TAB1: variants seen among roughly 807,000 people sequenced by gnomAD.
The protein encoded by TAB1 is TGF-beta-activated kinase 1 and MAP3K7-binding protein 1.
TAB1 carries 30 observed loss-of-function variants against 54.5 expected under a neutral mutation model. The observed-to-expected ratio is 0.55, with a 90% confidence interval of 0.41 to 0.75. TAB1 has a LOEUF of 0.75. Ranked by LOEUF, TAB1 falls within the 30% of genes least tolerant of loss-of-function variation. TAB1 has a pLI of 0.00. For synonymous variants in TAB1, 289 were observed against 286.9 expected, an observed-to-expected ratio of 1.01 and a Z score of -0.07; for missense variants, 609 against 683.2, an observed-to-expected ratio of 0.89 and a Z score of 1.21.
At chr22:39,417,540 G>A (rs1384139677) in intron 4 of TAB1, among the ~76,000 whole-genome samples, 171 bp from the exon 5 acceptor site, 1 of 151,940 alleles carries the variant, frequency 6.6e-6, no homozygotes, top group African/African-American at 2.4e-5. Context: ...AGAATGGTGT[G>A]AACCTGGGAG....
At chr22:39,406,516 GC>G (rs1926372969) in intron 1 of TAB1, among the ~76,000 whole-genome samples, 1 of 152,094 alleles carries the variant, frequency 6.6e-6, no homozygotes, top group African/African-American at 2.4e-5. Flanking sequence ...TTTGAGCAGT[GC>G]CTTTAGGGTA....
Position 39,431,052 on chromosome 22 carries a change from C to T in TAB1, c.*830C>T, listed in dbSNP as rs1030394810. 3.2e-5 allele frequency: 32 copies of T among 985,522 alleles called. No homozygotes were observed. Among genetic ancestry groups the T allele is most frequent in the Non-Finnish European group, 3.7e-5 (31 of 830,096 alleles). The allele number at this position is 985,522 out of a possible 1,614,324, so 61.0% of individuals were successfully genotyped here. ...GCTGTGAAGACCATAGGCTGGCAGGCAGCTGAGATGAACTGTCTTTACCAC... is the reference window on the plus strand; with the variant it reads ...GCTGTGAAGACCATAGGCTGGCAGGTAGCTGAGATGAACTGTCTTTACCAC... On this transcript the variant is annotated 3_prime_UTR_variant, in exon 11 of 11. Coordinates refer to ENST00000216160, the MANE Select transcript of TAB1 (RefSeq NM_006116.3).
At chr22:39,425,630 C>A (rs80087541) in intron 8 of TAB1, among the ~76,000 whole-genome samples, 1 of 151,248 alleles carries the variant, frequency 6.6e-6, no homozygotes, top group Non-Finnish European at 1.5e-5. Flanking sequence ...TCTGGGCTTA[C>A]TGATCACCTC....
At position 39,415,727 on chromosome 22, in the gene TAB1, A is replaced by G; in HGVS notation, c.324+74A>G. On this transcript the variant is annotated intron_variant, in intron 3 of 10. Coordinates refer to ENST00000216160, the MANE Select transcript of TAB1 (RefSeq NM_006116.3). This position sits in a 1 kb window ranked among gnomAD's most constrained non-coding sequence, Gnocchi z 4.9. ...CCCAAGGCTTGGGCCCTGCACCTCT[A>G]GCATGTTGCCAGGGTTGGTGTGAAG... 1 of 1,537,856 alleles carries G rather than the reference A, an allele frequency of 6.5e-7. No homozygotes were observed. Among genetic ancestry groups the G allele is most frequent in the Non-Finnish European group, 8.8e-7 (1 of 1,141,112 alleles).
At chr22:39,411,498 C>T (rs182315374) in intron 1 of TAB1, among the ~76,000 whole-genome samples, 7 of 152,304 alleles carry the variant, frequency 4.6e-5, no homozygotes, top group African/African-American at 1.7e-4. Context: ...TACTCAGTGT[C>T]GTTAGCCGTT....
intron 5 of TAB1, 124 bp from the exon 6 acceptor site, chr22:39,418,608 C>A (rs35286491): frequency 0.037 from 25,541 of 698,594 alleles, 625 homozygotes; most frequent in Non-Finnish European, 0.049. Context: ...TTGGTCTGAG[C>A]CTGTTTTGCC....
intron 8 of TAB1, among the ~76,000 whole-genome samples, chr22:39,426,265 TG>T (rs1927330480): frequency 6.6e-6 from 1 of 152,258 alleles, no homozygotes; most frequent in Non-Finnish European, 1.5e-5. Flanking sequence ...TCAGGGACCC[TG>T]TTTTCATTCT....
At chr22:39,436,039 C>A (rs1927770921), downstream of TAB1, among the ~76,000 whole-genome samples, 1 of 152,184 alleles carries the variant, frequency 6.6e-6, no homozygotes, top group Non-Finnish European at 1.5e-5. Context: ...CGCCTATAAT[C>A]CCAGCACTTT....
intron 9 of TAB1, 24 bp from the exon 10 acceptor site, chr22:39,427,997 G>A: frequency 1.9e-6 from 3 of 1,556,164 alleles, no homozygotes; most frequent in Non-Finnish European, 1.8e-6. Context: ...GCTGCCTGAG[G>A]CCCCCACTCT....
Position 39,415,943 on chromosome 22 carries a change from T to C in TAB1, c.324+290T>C, listed in dbSNP as rs542704973. ...GAGGTGGGAGCAGGGCAAGGCCTGGTAGAAATGGGGTCATTTAGAGCTACC... is the reference window on the plus strand; with the variant it reads ...GAGGTGGGAGCAGGGCAAGGCCTGGCAGAAATGGGGTCATTTAGAGCTACC... On this transcript the variant is annotated intron_variant, in intron 3 of 10. Coordinates refer to ENST00000216160, the MANE Select transcript of TAB1 (RefSeq NM_006116.3). The surrounding 1 kb of genome is among the most constrained non-coding windows in gnomAD (Gnocchi z 4.9). 7.2e-5 allele frequency among the ~76,000 whole-genome samples: 11 copies of C among 152,268 alleles called. No individual in the cohort carries two copies. The highest frequency in any genetic ancestry group is 1.9e-4 in the African/African-American group (8 of 41,568).
chr22:39,433,738 G>T, downstream of TAB1: 1 of 985,432 alleles, frequency 1.0e-6, no homozygotes, highest in South Asian at 4.7e-5. Context: ...GGGGGCAGCC[G>T]GGCCTGTCTG....
chr22:39,415,385 G>A lies in TAB1; in HGVS notation c.171-115G>A. On this transcript the variant is annotated intron_variant, in intron 2 of 10. Transcript: ENST00000216160. The surrounding 1 kb of genome is among the most constrained non-coding windows in gnomAD (Gnocchi z 4.9). ...TGGCTAAAGCAGGGGGACCCAGGAG[G>A]GCCCCTGAAGCTGCAGCTGCTGTCG... The A allele has an allele frequency of 7.7e-7, 1 of 1,303,986 alleles. No homozygotes were observed. Among genetic ancestry groups the A allele is most frequent in the Non-Finnish European group, 1.1e-6 (1 of 933,946 alleles). The allele number at this position is 1,303,986 out of a possible 1,614,324, so 80.8% of individuals were successfully genotyped here.
At chr22:39,405,051 G>A (rs548558754) in intron 1 of TAB1, among the ~76,000 whole-genome samples, 1 of 152,268 alleles carries the variant, frequency 6.6e-6, no homozygotes, top group Non-Finnish European at 1.5e-5. Flanking sequence ...TAAGGAATGT[G>A]GGTGCTTTTA....
downstream of TAB1, chr22:39,436,485 T>A (rs1310700524): frequency 6.2e-7 from 1 of 1,612,624 alleles, no homozygotes; most frequent in Non-Finnish European, 8.5e-7. Flanking sequence ...CCTCCTGATT[T>A]TCAGAGACCC....
chr22:39,435,656 G>A (rs1927753624), downstream of TAB1, among the ~76,000 whole-genome samples: 1 of 152,172 alleles, frequency 6.6e-6, no homozygotes, highest in African/African-American at 2.4e-5. Flanking sequence ...TGTGGGTGGT[G>A]GGCCCCCTTC....
Position 39,431,715 on chromosome 22 carries a change from C to A in TAB1, c.*1493C>A. 1.0e-6 allele frequency: 1 copy of A among 985,512 alleles called. No individual in the cohort carries two copies. The highest frequency in any genetic ancestry group is 1.2e-6 in the Non-Finnish European group (1 of 829,976). The allele number at this position is 985,512 out of a possible 1,614,324, so 61.0% of individuals were successfully genotyped here. The stretch of plus-strand genomic sequence containing the variant: ...CCCTCACTCCCCACTTTGAAGCCAT[C>A]TCTGTTCTGCAGGTGAGAGGATTTA... On this transcript the variant is annotated 3_prime_UTR_variant, in exon 11 of 11. Transcript: ENST00000216160.
At chr22:39,433,887 G>A (rs1381906380), downstream of TAB1, 10 of 821,684 alleles carry the variant, frequency 1.2e-5, no homozygotes, top group East Asian at 1.6e-4. Flanking sequence ...CCACCCCACC[G>A]CCCCCTGCCC....
chr22:39,426,882 C>T lies in TAB1; in HGVS notation c.1101C>T (p.Tyr367=). The change falls in exon 9 of 11, where the codon TAC becomes TAT. Residue 367 remains tyrosine (Y), a synonymous_variant. Coordinates refer to ENST00000216160, the MANE Select transcript of TAB1 (RefSeq NM_006116.3). ...CCCTGCTAGTGAGGAACTTTGGCTA[C>T]CCGCTGGGCGAAATGAGCCAGCCCA... ...DMTLLVRNFG[Y]PLGEMSQPTP... is the part of the protein sequence containing the mutation. The T allele has an allele frequency of 6.2e-6, 10 of 1,612,904 alleles. No individual in the cohort carries two copies. Among genetic ancestry groups the T allele is most frequent in the Non-Finnish European group, 7.6e-6 (9 of 1,179,924 alleles).
chr22:39,429,922 G>T (rs1927510899), intron 10 of TAB1, 93 bp from the exon 11 acceptor site: 3 of 1,570,822 alleles, frequency 1.9e-6, no homozygotes, highest in Non-Finnish European at 2.6e-6. Flanking sequence ...GGCCCAAGAG[G>T]CTGGTAGAGG....
Sources: allele counts gnomAD v4.1 joint callset (sites outside exome capture counted in the v4.1 genomes callset), GRCh38; gene constraint gnomAD v4.1.1; non-coding constraint Gnocchi (gnomAD v3.1); transcripts MANE v1.5; gene names NCBI Gene and HGNC (gene_info 2026-07-23, HGNC 2026-07-21).